Variants in USP54 observed in about 807,000 individuals in gnomAD.
USP54 encodes ubiquitin carboxyl-terminal hydrolase 54.
A neutral mutation model predicts 170.5 loss-of-function variants in USP54; 87 were observed. The observed-to-expected ratio is 0.51, with a 90% CI of 0.43 to 0.61. USP54 has a LOEUF of 0.61. Among genes scored for constraint, USP54 ranks in the 20% least tolerant of loss-of-function variants. The pLI, the probability that USP54 is intolerant of heterozygous loss-of-function variation, is 0.00. For missense variants in USP54, 1,786 were observed against 2,047.8 expected (o/e 0.87, Z 2.47); for synonymous variants, 655 against 742.8 (o/e 0.88, Z 1.92).
rs2057361724 is a variant in USP54, at chr10:73,498,069, T to C, written c.*560A>G. ...ACCATGGATTCATCTTTAAAGTGGC[T>C]CAGATAAAACCCTTAAACAGCAGCT... On this transcript the variant is annotated 3_prime_UTR_variant, in exon 24 of 24. Transcript: ENST00000687698. 6.6e-6 allele frequency: 1 copy of C among 152,358 alleles called. No homozygotes were observed. The highest frequency in any genetic ancestry group is 6.5e-5 in the Admixed American group (1 of 15,290). The allele number at this position is 152,358 out of a possible 1,614,324, so 9.4% of individuals were successfully genotyped here.
chr10:73,615,960 A>C (rs1307475954), intron 1 of USP54, among the ~76,000 whole-genome samples: 2 of 149,364 alleles, frequency 1.3e-5, no homozygotes, highest in Admixed American at 1.3e-4. Context: ...TAATCCCAGC[A>C]CTTTGGGAGG....
At position 73,517,048 on chromosome 10, in the gene USP54, C is replaced by T. The variant is rs2061187839; in HGVS notation, c.3378G>A (p.Lys1126=). The part of the protein sequence containing the change: ...ETYRPEFPST[K]GLVRSLAEQF... ...GCTCAGCCAGAGAACGGACAAGCCC[C>T]TTTGTGCTGGGAAACTCTGGCCTAT... Residue 1126 remains lysine (K), a synonymous_variant, in exon 20 of 24, where the codon AAG becomes AAA. Coordinates refer to ENST00000687698, the MANE Select transcript of USP54 (RefSeq NM_001391956.1). The T allele has an allele frequency of 3.1e-6, 5 of 1,614,080 alleles. No individual in the cohort carries two copies. The highest frequency in any genetic ancestry group is 3.4e-6 in the Non-Finnish European group (4 of 1,180,048).
intron 1 of USP54, among the ~76,000 whole-genome samples, chr10:73,581,267 C>A (rs1490588985): frequency 2.6e-5 from 4 of 152,166 alleles, no homozygotes; most frequent in Non-Finnish European, 4.4e-5. Flanking sequence ...AAAGTAAAAG[C>A]CAAAATTGGG....
chr10:73,571,352 CA>C, intron 4 of USP54, 68 bp downstream of exon 4: 1 of 1,356,946 alleles, frequency 7.4e-7, no homozygotes, highest in Non-Finnish European at 1.0e-6. Flanking sequence ...CCTGATTAAC[CA>C]AACCACCTTG....
intron 9 of USP54, 91 bp downstream of exon 9, chr10:73,541,284 A>G: frequency 1.9e-6 from 3 of 1,544,708 alleles, no homozygotes; most frequent in Non-Finnish European, 2.6e-6. Flanking sequence ...CTTGTCATCT[A>G]GGACATACCT....
chr10:73,516,243 A>G, intron 20 of USP54, 132 bp downstream of exon 20: 1 of 1,044,762 alleles, frequency 9.6e-7, no homozygotes, highest in East Asian at 2.4e-5. Flanking sequence ...TTTCTGAGTA[A>G]AGTCAAAAGT....
intron 17 of USP54, among the ~76,000 whole-genome samples, chr10:73,521,895 G>T (rs1036913310): frequency 3.9e-4 from 59 of 152,140 alleles, no homozygotes; most frequent in African/African-American, 1.4e-3. Context: ...TTTTGTAAAA[G>T]AACTCTCATG....
intron 16 of USP54, among the ~76,000 whole-genome samples, chr10:73,524,534 C>T (rs553072473): frequency 2.6e-5 from 4 of 152,054 alleles, no homozygotes; most frequent in South Asian, 2.1e-4. Flanking sequence ...GAGCCAAGAT[C>T]GCGCCATTGC....
intron 15 of USP54, 36 bp from the exon 16 acceptor site, chr10:73,526,816 A>G (rs1284368788): frequency 1.2e-6 from 2 of 1,609,926 alleles, no homozygotes; most frequent in East Asian, 4.5e-5. Context: ...TGAAAGCATG[A>G]AAGCAGGTTA....
intron 1 of USP54, among the ~76,000 whole-genome samples, chr10:73,609,459 C>T (rs2079947577): frequency 6.6e-6 from 1 of 152,154 alleles, no homozygotes. Context: ...CGCCTGTAAT[C>T]CCAGCACTTT....
At chr10:73,516,276 G>A in intron 20 of USP54, 99 bp downstream of exon 20, 5 of 1,288,560 alleles carry the variant, frequency 3.9e-6, no homozygotes, top group Non-Finnish European at 5.4e-6. Flanking sequence ...TACTAAGCTG[G>A]GGATAGTATC....
chr10:73,576,460 A>C (rs997756383), intron 1 of USP54, 99 bp from the exon 2 acceptor site: 2 of 151,618 alleles, frequency 1.3e-5, no homozygotes, highest in Non-Finnish European at 2.9e-5. Flanking sequence ...ACTTCTCACT[A>C]TAAACTTGAA....
chr10:73,524,388 T>C (rs2062478597), intron 16 of USP54, among the ~76,000 whole-genome samples: 1 of 151,060 alleles, frequency 6.6e-6, no homozygotes, highest in Non-Finnish European at 1.5e-5. Flanking sequence ...GAGACCAGCC[T>C]GGCCAACATG....
intron 1 of USP54, among the ~76,000 whole-genome samples, chr10:73,618,975 G>T (rs2080871561): frequency 6.7e-6 from 1 of 149,800 alleles, no homozygotes; most frequent in Non-Finnish European, 1.5e-5. Flanking sequence ...CACTTTGGGA[G>T]ACCGAGGCAG....
Position 73,530,819 on chromosome 10 carries a change from A to G in USP54, c.1332T>C (p.Ser444=). The G allele has an allele frequency of 6.2e-7, 1 of 1,613,962 alleles. No homozygotes were observed. Among genetic ancestry groups the G allele is most frequent in the Middle Eastern group, 1.7e-4 (1 of 6,054 alleles). The part of the protein sequence containing the change: ...SSRDTGHLTD[S]ECNQKHTSKK... ...TGGATGTGTGTTTCTGATTACATTC[A>G]CTATCAGTCAGGTGTCCTGAAAAAA... Residue 444 remains serine (S), a synonymous_variant, in exon 13 of 24, where the codon AGT becomes AGC. Coordinates refer to ENST00000687698, the MANE Select transcript of USP54 (RefSeq NM_001391956.1).
chr10:73,508,075 G>A (rs2059496251), intron 20 of USP54, among the ~76,000 whole-genome samples: 1 of 152,134 alleles, frequency 6.6e-6, no homozygotes, highest in Admixed American at 6.5e-5. Flanking sequence ...GGACAAGAAG[G>A]TAGCCACTGG....
intron 23 of USP54, among the ~76,000 whole-genome samples, chr10:73,500,454 C>T (rs961462664): frequency 4.6e-5 from 7 of 152,184 alleles, no homozygotes; most frequent in African/African-American, 1.7e-4. Flanking sequence ...CTGGTCTAAA[C>T]CCTTGGTCTA....
chr10:73,598,378 A>C (rs1281484286), intron 1 of USP54, among the ~76,000 whole-genome samples: 1 of 152,198 alleles, frequency 6.6e-6, no homozygotes, highest in Non-Finnish European at 1.5e-5. Context: ...CAAACTATAA[A>C]ACTTTTAGAA....
At chr10:73,568,891 GACTTTCTTCAT>G in intron 4 of USP54, among the ~76,000 whole-genome samples, 1 of 152,160 alleles carries the variant, frequency 6.6e-6, no homozygotes, top group Non-Finnish European at 1.5e-5. Context: ...TCTAGCGGTT[GACTTTCTTCAT>G]CTTTCTGGCT....
Sources: allele counts gnomAD v4.1 joint callset (sites outside exome capture counted in the v4.1 genomes callset), GRCh38; gene constraint gnomAD v4.1.1; transcripts MANE v1.5; gene names NCBI Gene and HGNC (gene_info 2026-07-23, HGNC 2026-07-21).